The following POT1 variants were observed in gnomAD, a reference collection of about 807,000 sequenced individuals.
The protein encoded by POT1 is protection of telomeres 1, also known as protection of telomeres protein 1.
In POT1, 47 loss-of-function variants were observed where a neutral mutation model predicts 78.5. That is an observed-to-expected ratio of 0.60 (90% CI 0.47 to 0.76). The LOEUF (loss-of-function observed/expected upper bound fraction) is 0.76. Among genes scored for constraint, POT1 ranks in the 30% least tolerant of loss-of-function variants. The probability of loss-of-function intolerance (pLI) is 0.00; values close to 1 mark genes in which losing one functional copy is unlikely to be tolerated. For synonymous variants in POT1, 259 were observed against 260.7 expected (o/e 0.99, Z 0.06); for missense variants, 646 against 749.9 (o/e 0.86, Z 1.62).
chr7:124,899,850 T>C (rs1211497907), intron 3 of POT1, among the ~76,000 whole-genome samples: 2 of 152,164 alleles, frequency 1.3e-5, no homozygotes, highest in African/African-American at 4.8e-5. Flanking sequence ...ATTTTTTTTC[T>C]ATTTTCCTGT....
Position 124,878,593 on chromosome 7 carries a change from T to C in POT1, c.125-7552A>G, listed in dbSNP as rs1796045699. ...AAACATCACATTGTCCCCCACAATA[T>C]GTATTTGTTTGCCAATTTAAAATAA... is the stretch of plus-strand genomic sequence containing the variant. On this transcript the variant is annotated intron_variant, in intron 6 of 18. Transcript: ENST00000357628. Among the ~76,000 whole-genome samples the C allele has an allele frequency of 2.6e-5, 4 of 152,174 alleles. No individual in the cohort carries two copies. The South Asian group carries it at 8.3e-4, about 32-fold the overall frequency.
intron 7 of POT1, among the ~76,000 whole-genome samples, chr7:124,868,863 T>C (rs1193458173): frequency 6.6e-6 from 1 of 151,484 alleles, no homozygotes; most frequent in Non-Finnish European, 1.5e-5. Context: ...CTCTGACTTA[T>C]GGATTATTTA....
intron 6 of POT1, among the ~76,000 whole-genome samples, chr7:124,879,048 T>G (rs1036878665): frequency 2.6e-5 from 4 of 152,144 alleles, no homozygotes; most frequent in African/African-American, 7.2e-5. Flanking sequence ...TTTTCCATAG[T>G]ATAAAACATT....
At chr7:124,867,136 C>G (rs967859062) in intron 7 of POT1, among the ~76,000 whole-genome samples, 2 of 152,154 alleles carry the variant, frequency 1.3e-5, no homozygotes, top group Non-Finnish European at 2.9e-5. Context: ...TGAGCAGGTC[C>G]TCTTTGCTTG....
chr7:124,897,182 T>C lies in POT1; in HGVS notation c.-9A>G. ...CATCTTACCAAAGACATTGATTCTG[T>C]AGAAAAATCTCTTAAAGATTTGACA... On this transcript the variant is annotated 5_prime_UTR_variant, in exon 5 of 19. Coordinates refer to ENST00000357628, the MANE Select transcript of POT1 (RefSeq NM_015450.3). The C allele has an allele frequency of 6.9e-7, 1 of 1,452,426 alleles. No homozygotes were observed. The highest frequency in any genetic ancestry group is 9.5e-7 in the Non-Finnish European group (1 of 1,048,656). The allele number at this position is 1,452,426 out of a possible 1,614,324, so 90.0% of individuals were successfully genotyped here.
intron 6 of POT1, among the ~76,000 whole-genome samples, chr7:124,879,238 T>A (rs1796060094): frequency 6.6e-6 from 1 of 152,146 alleles, no homozygotes; most frequent in South Asian, 2.1e-4. Flanking sequence ...CTGAAAGGGC[T>A]CTCACTAGAA....
chr7:124,899,780 A>T (rs1796576429), intron 3 of POT1, among the ~76,000 whole-genome samples: 1 of 152,200 alleles, frequency 6.6e-6, no homozygotes, highest in South Asian at 2.1e-4. Context: ...TGTTCCACTT[A>T]AAAATGTTTT....
chr7:124,844,458 C>T (rs1234338277), intron 12 of POT1, among the ~76,000 whole-genome samples: 39 of 143,288 alleles, frequency 2.7e-4, no homozygotes, highest in African/African-American at 9.6e-4. Flanking sequence ...CCATTGGCAC[C>T]GGGCGCGGTG....
At chr7:124,826,304 T>C (rs1794628144) in intron 17 of POT1, among the ~76,000 whole-genome samples, 1 of 152,200 alleles carries the variant, frequency 6.6e-6, no homozygotes, top group African/African-American at 2.4e-5. Flanking sequence ...GTCTGGAACT[T>C]TCCTGGACTC....
At chr7:124,872,641 A>G (rs1260131805) in intron 6 of POT1, among the ~76,000 whole-genome samples, 1 of 152,164 alleles carries the variant, frequency 6.6e-6, no homozygotes, top group Non-Finnish European at 1.5e-5. Flanking sequence ...TATTTAGGAG[A>G]AAACAGTATA....
chr7:124,861,897 A>G (rs1795607099), intron 8 of POT1, among the ~76,000 whole-genome samples: 1 of 152,184 alleles, frequency 6.6e-6, no homozygotes, highest in Admixed American at 6.5e-5. Flanking sequence ...CAGGTTTGTC[A>G]AAGATCAGAT....
At chr7:124,847,934 T>C (rs1166362169) in intron 11 of POT1, among the ~76,000 whole-genome samples, 6 of 152,160 alleles carry the variant, frequency 3.9e-5, no homozygotes, top group Non-Finnish European at 8.8e-5. Context: ...GACAAAGACA[T>C]TGAAGCCATC....
chr7:124,878,896 G>C (rs1796053139), intron 6 of POT1, among the ~76,000 whole-genome samples: 1 of 151,722 alleles, frequency 6.6e-6, no homozygotes, highest in African/African-American at 2.4e-5. Context: ...ATAAGTAAAG[G>C]TATACCTGAC....
chr7:124,900,833 G>A (rs769190320), intron 3 of POT1: 1 of 395,154 alleles, frequency 2.5e-6, no homozygotes, highest in South Asian at 1.9e-5. Flanking sequence ...TTAGCAAACT[G>A]CACACCAGGA....
At chr7:124,832,334 T>C (rs960864416) in intron 15 of POT1, among the ~76,000 whole-genome samples, 6 of 151,870 alleles carry the variant, frequency 4.0e-5, no homozygotes, top group African/African-American at 1.5e-4. Context: ...TACGTAATTG[T>C]TGTGATGTTA....
At chr7:124,868,590 GTA>G (rs1330911882) in intron 7 of POT1, among the ~76,000 whole-genome samples, 2 of 151,368 alleles carry the variant, frequency 1.3e-5, no homozygotes, top group East Asian at 3.9e-4. Flanking sequence ...ACATTTCAGA[GTA>G]TGTTTTCTGA....
intron 2 of POT1, among the ~76,000 whole-genome samples, chr7:124,917,091 A>G (rs978001073): frequency 6.6e-6 from 1 of 152,168 alleles, no homozygotes; most frequent in Non-Finnish European, 1.5e-5. Context: ...CATAGGTGTA[A>G]GGCCCAGACC....
chr7:124,921,328 C>A (rs145080168), intron 2 of POT1, among the ~76,000 whole-genome samples: 42 of 151,966 alleles, frequency 2.8e-4, no homozygotes, highest in African/African-American at 9.7e-4. Context: ...TACAAGTATA[C>A]AAGAAATATC....
At chr7:124,905,534 T>C (rs1796743845) in intron 3 of POT1, among the ~76,000 whole-genome samples, 1 of 150,784 alleles carries the variant, frequency 6.6e-6, no homozygotes, top group African/African-American at 2.4e-5. Flanking sequence ...AAAAAAACCC[T>C]AGAAGAAAAC....
Sources: gnomAD v4.1 joint callset for allele counts (sites outside exome capture counted in the v4.1 genomes callset) on GRCh38, gnomAD v4.1.1 for gene constraint, MANE v1.5 for transcripts, NCBI Gene and HGNC (gene_info 2026-07-23, HGNC 2026-07-21) for gene names.